KIF9: variants seen among roughly 807,000 people sequenced by gnomAD.
The protein encoded by KIF9 is kinesin family member 9, also known as kinesin-like protein KIF9.
KIF9 carries 68 observed loss-of-function variants against 94.8 expected under a neutral mutation model. The ratio of observed to expected loss-of-function variants is 0.72; its 90% confidence interval spans 0.59 to 0.88. The LOEUF (loss-of-function observed/expected upper bound fraction) is 0.88, where lower values mean the gene tolerates loss of function less well. Ranked by LOEUF, KIF9 falls within the 40% of genes least tolerant of loss-of-function variation. The probability of loss-of-function intolerance (pLI) is 0.00; values close to 1 mark genes in which losing one functional copy is unlikely to be tolerated. For missense variants in KIF9, 882 were observed against 982.5 expected (o/e 0.90, Z 1.37); for synonymous variants, 343 against 362.1 (o/e 0.95, Z 0.60).
intron 10 of KIF9, among the ~76,000 whole-genome samples, chr3:47,249,437 T>A (rs914949798): frequency 1.3e-5 from 2 of 152,172 alleles, no homozygotes; most frequent in African/African-American, 4.8e-5. Context: ...TGAGTCACTG[T>A]GCCTGGCCTC....
chr3:47,280,949 T>G (rs1337291407), intron 1 of KIF9: 2 of 703,080 alleles, frequency 2.8e-6, no homozygotes, highest in Non-Finnish European at 5.2e-6. Flanking sequence ...ATCTTGCACT[T>G]ACTGAAATAC....
intron 9 of KIF9, among the ~76,000 whole-genome samples, chr3:47,262,373 G>T (rs1364174389): frequency 1.3e-5 from 2 of 151,718 alleles, no homozygotes; most frequent in African/African-American, 4.8e-5. Flanking sequence ...CTGCCTCCAG[G>T]GTTCTCCTGT....
At position 47,244,866 on chromosome 3, in the gene KIF9, C is replaced by A; in HGVS notation, c.1439G>T (p.Gly480Val). The A allele has an allele frequency of 1.9e-6, 3 of 1,614,174 alleles. No individual in the cohort carries two copies. The highest frequency in any genetic ancestry group is 2.5e-6 in the Non-Finnish European group (3 of 1,180,030). The change falls in exon 15 of 21, where the codon GGA becomes GTA. Residue 480 changes from glycine to valine, a missense_variant. Gly to Val is a moderately radical substitution (Grantham distance 109). Coordinates refer to ENST00000684063, the MANE Select transcript of KIF9 (RefSeq NM_182902.4). ...GGTAGAGAAAGGGGCGACTCCGAGT[C>A]CAAAGTTTTGTCCTTCAGGCTCACC... ...LVGEPEGQNFGLGVAPFSTKP... is the reference protein window; with the variant it reads ...LVGEPEGQNFVLGVAPFSTKP...
At chr3:47,241,886 T>TA (rs1559428918) in intron 16 of KIF9, among the ~76,000 whole-genome samples, 439 of 18,324 alleles carry the variant, frequency 0.024, 7 homozygotes, top group African/African-American at 0.07. Context: ...ATATATATAT[T>TA]TTTTTTTTTT....
chr3:47,243,285 C>T (rs1026449080), intron 15 of KIF9, 40 bp from the exon 16 acceptor site: 3 of 1,539,314 alleles, frequency 1.9e-6, no homozygotes, highest in Non-Finnish European at 1.8e-6. Context: ...CAGTCATGGA[C>T]AGTGAGTTAT....
At chr3:47,233,261 G>A (rs2107022156) in intron 20 of KIF9, among the ~76,000 whole-genome samples, 1 of 150,212 alleles carries the variant, frequency 6.7e-6, no homozygotes, top group East Asian at 2.0e-4. Flanking sequence ...TATTCAAGAG[G>A]CTGAGGCAGG....
chr3:47,241,807 G>GTA (rs576764590), intron 16 of KIF9, among the ~76,000 whole-genome samples: 113 of 90,180 alleles, frequency 1.3e-3, no homozygotes, highest in Middle Eastern at 5.9e-3. Flanking sequence ...ATGTATATAT[G>GTA]TATATATGTA....
At chr3:47,245,070 C>A (rs1440219802) in intron 14 of KIF9, 146 bp from the exon 15 acceptor site, 2 of 1,115,332 alleles carry the variant, frequency 1.8e-6, no homozygotes, top group Non-Finnish European at 2.5e-6. Context: ...CAGCCTCAGG[C>A]TGTCCCCTGT....
rs1297738014 is a variant in KIF9 at position 47,228,341 on chromosome 3, A to G, written c.*311T>C. Reference sequence around the variant, plus strand: ...GACTCAGTTCTGACCTCACACATACATAGAGAATATGTCCTTTCAGACAGG... The same window carrying G: ...GACTCAGTTCTGACCTCACACATACGTAGAGAATATGTCCTTTCAGACAGG... On this transcript the variant is annotated 3_prime_UTR_variant, in exon 21 of 21. Transcript: ENST00000684063. 2 of 310,876 alleles carry G rather than the reference A, an allele frequency of 6.4e-6. No individual in the cohort carries two copies. Among genetic ancestry groups the G allele is most frequent in the Non-Finnish European group, 1.2e-5 (2 of 163,228 alleles). The allele number at this position is 310,876 out of a possible 1,614,324, so 19.3% of individuals were successfully genotyped here.
Position 47,271,434 on chromosome 3 carries a change from T to C in KIF9, c.394A>G (p.Thr132Ala), listed in dbSNP as rs369002827. ...QVFRMIEERP[T>A]HAITVRVSYL... ...GAAACACGCACAGTGATGGCATGTGTGGGGCGTTCTTCGATCATCCTAAAA... is the reference window on the plus strand; with the variant it reads ...GAAACACGCACAGTGATGGCATGTGCGGGGCGTTCTTCGATCATCCTAAAA... Residue 132 changes from threonine to alanine, a missense_variant, in exon 5 of 21, where the codon ACA (threonine) becomes GCA (alanine). By Grantham distance (58) the Thr-to-Ala change is moderately conservative (BLOSUM62 0). Coordinates refer to ENST00000684063, the MANE Select transcript of KIF9 (RefSeq NM_182902.4). 56 of 1,614,052 alleles carry C rather than the reference T, an allele frequency of 3.5e-5. No individual in the cohort carries two copies. In the African/African-American group the frequency reaches 5.2e-4, roughly 15 times the overall value.
intron 11 of KIF9, 56 bp from the exon 12 acceptor site, chr3:47,247,533 G>C: frequency 7.3e-7 from 1 of 1,362,904 alleles, no homozygotes; most frequent in South Asian, 1.2e-5. Flanking sequence ...GCCCACAGGG[G>C]AGTGGCAGGG....
chr3:47,228,587 G>A lies in KIF9; in HGVS notation c.*65C>T. Reference sequence around the variant, plus strand: ...GGGCTGCAGCTCTGGGCAGGTGGTTGAGCAGCTCCACTACAGTAGGTGGGA... The same window carrying A: ...GGGCTGCAGCTCTGGGCAGGTGGTTAAGCAGCTCCACTACAGTAGGTGGGA... On this transcript the variant is annotated 3_prime_UTR_variant, in exon 21 of 21. Transcript: ENST00000684063. The A allele has an allele frequency of 7.6e-7, 1 of 1,324,186 alleles. No individual in the cohort carries two copies. The highest frequency in any genetic ancestry group is 1.1e-6 in the Non-Finnish European group (1 of 915,490). The allele number at this position is 1,324,186 out of a possible 1,614,324, so 82.0% of individuals were successfully genotyped here.
intron 2 of KIF9, chr3:47,277,050 CTTA>C (rs1375081155): frequency 5.6e-6 from 2 of 360,192 alleles, no homozygotes; most frequent in South Asian, 7.5e-5. Flanking sequence ...TAAAGGTAAA[CTTA>C]TTAATTTATT....
At chr3:47,248,278 T>G in intron 10 of KIF9, 192 bp from the exon 11 acceptor site, 1 of 593,044 alleles carries the variant, frequency 1.7e-6, no homozygotes, top group South Asian at 2.0e-5. Context: ...CTGGGGTGAG[T>G]TTAGGGTCTG....
chr3:47,247,426 C>T lies in KIF9; in HGVS notation c.1180G>A (p.Glu394Lys). 1 of 1,613,978 alleles carries T rather than the reference C, an allele frequency of 6.2e-7. No homozygotes were observed. Among genetic ancestry groups the T allele is most frequent in the Non-Finnish European group, 8.5e-7 (1 of 1,179,864 alleles). Residue 394 changes from glutamate to lysine, a missense_variant, in exon 12 of 21, where the codon GAG (glutamate) becomes AAG (lysine). Coordinates refer to ENST00000684063, the MANE Select transcript of KIF9 (RefSeq NM_182902.4). ...TACCTCCGCACCTGGGAGTTGATCT[C>T]AGCAATCTGGATTTCATCCATGGGG... ...YDPMDEIQIA[E>K]INSQVRRYLE...
intron 16 of KIF9, 35 bp from the exon 17 acceptor site, chr3:47,241,050 T>C: frequency 6.3e-7 from 1 of 1,589,302 alleles, no homozygotes. Flanking sequence ...AGAGGATAAA[T>C]GAGGTGGCTG....
At chr3:47,277,551 A>G (rs2107525716) in intron 1 of KIF9, among the ~76,000 whole-genome samples, 172 bp from the exon 2 acceptor site, 1 of 152,314 alleles carries the variant, frequency 6.6e-6, no homozygotes, top group East Asian at 1.9e-4. Flanking sequence ...TTCTACCCAC[A>G]AGACACTGCT....
rs1231643462 is a variant in KIF9, at chr3:47,263,824, CCTG to C, written c.981+459_981+461del. The C allele has an allele frequency of 1.5e-5, 7 of 456,528 alleles. No individual in the cohort carries two copies. The East Asian group carries it at 4.2e-4, about 27-fold the overall frequency. 28.3% of individuals were successfully genotyped at this position (456,528 alleles called of 1,614,324 possible). The stretch of plus-strand genomic sequence containing the variant: ...TAAGACTAATTTCTACCAGGTTACT[CCTG>C]CTTACCATGGTGCACATGGCAGGTG... On this transcript the variant is annotated intron_variant, in intron 9 of 20. Transcript: ENST00000684063.
intron 20 of KIF9, among the ~76,000 whole-genome samples, chr3:47,229,857 C>T (rs1041395563): frequency 4.6e-5 from 7 of 152,058 alleles, no homozygotes; most frequent in Admixed American, 3.3e-4. Context: ...CCTCAGCCTC[C>T]TGAGTAGCTG....
Sources: allele counts gnomAD v4.1 joint callset (sites outside exome capture counted in the v4.1 genomes callset), GRCh38; gene constraint gnomAD v4.1.1; transcripts MANE v1.5; gene names NCBI Gene and HGNC (gene_info 2026-07-23, HGNC 2026-07-21).